Variants in LINGO2 observed in about 807,000 individuals in gnomAD.
LINGO2 encodes the protein leucine rich repeat and Ig domain containing 2.
A neutral mutation model predicts 30.6 loss-of-function variants in LINGO2; 14 were observed. The ratio of observed to expected loss-of-function variants is 0.46; its 90% CI spans 0.30 to 0.72. The LOEUF is 0.72. Ranked by LOEUF, LINGO2 falls within the 30% of genes least tolerant of loss-of-function variation. The pLI is 0.07. For synonymous variants in LINGO2, 317 were observed against 288.5 expected (o/e 1.10, Z -1.00); for missense variants, 729 against 751.7 (o/e 0.97, Z 0.35).
intron 4 of LINGO2, among the ~76,000 whole-genome samples, chr9:28,282,841 A>G (rs1047368913): frequency 6.6e-6 from 1 of 152,182 alleles, no homozygotes; most frequent in African/African-American, 2.4e-5. Flanking sequence ...CAAAGAATTT[A>G]CTTTTAGTTC....
At chr9:28,623,270 C>G (rs532018359) in intron 1 of LINGO2, among the ~76,000 whole-genome samples, 8 of 152,138 alleles carry the variant, frequency 5.3e-5, no homozygotes, top group East Asian at 3.9e-4. Flanking sequence ...TTTGCCCAGA[C>G]CAATGTCCTG....
chr9:28,400,048 T>C (rs1371929469), intron 2 of LINGO2, among the ~76,000 whole-genome samples: 1 of 152,156 alleles, frequency 6.6e-6, no homozygotes, highest in East Asian at 1.9e-4. Flanking sequence ...CAAATAACAG[T>C]GGCAGGTCCA....
At chr9:28,594,147 C>A (rs995978276) in intron 1 of LINGO2, among the ~76,000 whole-genome samples, 2 of 151,876 alleles carry the variant, frequency 1.3e-5, no homozygotes, top group Non-Finnish European at 2.9e-5. Context: ...AGAGCAAAAT[C>A]AATTTCATAG....
the LINGO2 span, among the ~76,000 whole-genome samples, chr9:29,031,322 G>A: frequency 4.6e-5 from 7 of 151,704 alleles, no homozygotes; most frequent in Admixed American, 3.3e-4. Context: ...TCTCTCTGTC[G>A]CCCAGGCTGC....
At chr9:28,764,617 C>T in the LINGO2 span, among the ~76,000 whole-genome samples, 19 of 151,968 alleles carry the variant, frequency 1.3e-4, no homozygotes, top group Admixed American at 4.6e-4. Context: ...ACTATTACCA[C>T]TTCTATTCAA....
intron 4 of LINGO2, among the ~76,000 whole-genome samples, chr9:28,106,217 A>G (rs1826587881): frequency 6.6e-6 from 1 of 152,052 alleles, no homozygotes; most frequent in South Asian, 2.1e-4. Flanking sequence ...CTGGTGCCAA[A>G]AAGATTGGGG....
At chr9:28,285,360 T>C (rs888199341) in intron 4 of LINGO2, among the ~76,000 whole-genome samples, 1 of 151,414 alleles carries the variant, frequency 6.6e-6, no homozygotes, top group East Asian at 1.9e-4. Flanking sequence ...TATTACTGAT[T>C]GGAAATCAAA....
chr9:28,203,414 T>C lies in LINGO2; in HGVS notation c.-87+91794A>G, dbSNP rs531482103. 2.2e-4 allele frequency among the ~76,000 whole-genome samples: 33 copies of C among 152,280 alleles called. No individual in the cohort carries two copies. In the South Asian group the frequency reaches 6.0e-3, roughly 28 times the overall value. On this transcript the variant is annotated intron_variant, in intron 4 of 5. Coordinates refer to ENST00000379992, the Ensembl canonical transcript of LINGO2. ...GTAATAGCTGCAGTGCCTCCTCTTA[T>C]GAACCATTACAAAGAGGGGTATTTC...
At chr9:28,117,952 C>A (rs1826980768) in intron 4 of LINGO2, among the ~76,000 whole-genome samples, 1 of 152,062 alleles carries the variant, frequency 6.6e-6, no homozygotes, top group Non-Finnish European at 1.5e-5. Context: ...GTAAAAGAGT[C>A]CAGAGATAGG....
At chr9:28,564,427 A>T (rs1207696806) in intron 1 of LINGO2, among the ~76,000 whole-genome samples, 1 of 152,082 alleles carries the variant, frequency 6.6e-6, no homozygotes, top group African/African-American at 2.4e-5. Context: ...ACTTCACCAG[A>T]CTTACAGGCA....
chr9:28,045,965 T>G (rs1015609332), intron 4 of LINGO2, among the ~76,000 whole-genome samples: 4 of 152,186 alleles, frequency 2.6e-5, no homozygotes, highest in African/African-American at 9.6e-5. Context: ...AGGTTTCTCT[T>G]CATTTCCTCA....
chr9:28,601,615 G>T (rs16913380), intron 1 of LINGO2, among the ~76,000 whole-genome samples: 38,986 of 151,626 alleles, frequency 0.26, 5,353 homozygotes, highest in Admixed American at 0.35. Context: ...CTTTTTATAC[G>T]GCATAATTTG....
the LINGO2 span, among the ~76,000 whole-genome samples, chr9:28,981,179 G>T: frequency 1.3e-5 from 2 of 152,004 alleles, no homozygotes; most frequent in African/African-American, 4.8e-5. Context: ...CATATGCATT[G>T]TTCAGTCCAC....
the LINGO2 span, among the ~76,000 whole-genome samples, chr9:29,123,370 G>C: frequency 6.6e-6 from 1 of 151,940 alleles, no homozygotes; most frequent in Admixed American, 6.6e-5. Context: ...CACTCCACAC[G>C]TTGACACTGG....
intron 5 of LINGO2, among the ~76,000 whole-genome samples, chr9:27,998,202 G>A (rs2119107876): frequency 6.6e-6 from 1 of 152,268 alleles, no homozygotes; most frequent in Admixed American, 6.5e-5. Flanking sequence ...GGAGAATATG[G>A]AGAAAGTGGT....
intron 1 of LINGO2, among the ~76,000 whole-genome samples, chr9:28,631,197 A>C: frequency 6.6e-6 from 1 of 151,982 alleles, no homozygotes; most frequent in East Asian, 1.9e-4. Context: ...TCTAGGGTAC[A>C]TGTGCACAAG....
At position 28,208,160 on chromosome 9, in the gene LINGO2, T is replaced by C. The variant is rs545021925; in HGVS notation, c.-87+87048A>G. On this transcript the variant is annotated intron_variant, in intron 4 of 5. Coordinates refer to ENST00000379992, the Ensembl canonical transcript of LINGO2. ...TAAGAACATGTAGATTTTATAAATA[T>C]ATAATTGTCCATTTATACTACAAGT... Among the ~76,000 whole-genome samples the C allele has an allele frequency of 2.6e-5, 4 of 152,256 alleles. No homozygotes were observed. The South Asian group carries it at 8.3e-4, about 32-fold the overall frequency.
At chr9:29,005,661 T>A in the LINGO2 span, among the ~76,000 whole-genome samples, 5 of 152,044 alleles carry the variant, frequency 3.3e-5, no homozygotes, top group African/African-American at 1.2e-4. Context: ...CCAAAATTCA[T>A]GCATACTCAA....
At chr9:28,554,168 T>C (rs1347123708) in intron 1 of LINGO2, among the ~76,000 whole-genome samples, 2 of 151,490 alleles carry the variant, frequency 1.3e-5, no homozygotes, top group Non-Finnish European at 2.9e-5. Context: ...TAAACGTAAA[T>C]GGACTAAATG....
Sources: allele counts gnomAD v4.1 joint callset (sites outside exome capture counted in the v4.1 genomes callset), GRCh38; gene constraint gnomAD v4.1.1; transcripts MANE v1.5; gene names NCBI Gene and HGNC (gene_info 2026-07-23, HGNC 2026-07-21).